HVCN1: variants seen among roughly 807,000 people sequenced by gnomAD.
HVCN1 encodes the protein voltage-gated hydrogen channel 1.
Under a neutral mutation model 29.2 loss-of-function variants are expected in HVCN1, and 14 were observed. The ratio of observed to expected loss-of-function variants is 0.48; its 90% CI spans 0.32 to 0.75. HVCN1 has a LOEUF of 0.75. Among genes scored for constraint, HVCN1 ranks in the 30% least tolerant of loss-of-function variants. The pLI is 0.04. For missense variants in HVCN1, 263 were observed against 341.8 expected (o/e 0.77, Z 1.82); for synonymous variants, 131 against 133.2 (o/e 0.98, Z 0.11).
chr12:110,651,103 C>T, intron 6 of HVCN1, 114 bp downstream of exon 6: 1 of 720,712 alleles, frequency 1.4e-6, no homozygotes, highest in Non-Finnish European at 2.4e-6. Context: ...GGGGAGGCCT[C>T]CATAACAGGA....
intron 3 of HVCN1, among the ~76,000 whole-genome samples, chr12:110,666,683 A>G (rs1010394253): frequency 6.6e-6 from 1 of 152,078 alleles, no homozygotes; most frequent in Non-Finnish European, 1.5e-5. Context: ...GCCATCACAC[A>G]GGCTGTTCCC....
intron 3 of HVCN1, among the ~76,000 whole-genome samples, chr12:110,667,498 C>A (rs959903200): frequency 6.6e-6 from 1 of 152,114 alleles, no homozygotes; most frequent in Non-Finnish European, 1.5e-5. Flanking sequence ...TGTGCGATCA[C>A]GGTTCACTGC....
Position 110,661,701 on chromosome 12 carries a change from C to T in HVCN1, c.22-253G>A, listed in dbSNP as rs1020077750. Among the ~76,000 whole-genome samples the T allele has an allele frequency of 6.6e-5, 10 of 152,210 alleles. No individual in the cohort carries two copies. Among genetic ancestry groups the T allele is most frequent in the Non-Finnish European group, 1.2e-4 (8 of 68,048 alleles). ...CTGTGGTCTGGTTGGCAGTAACCAA[C>T]GGAATCAGTACTGCAGCCCGGTCCC... is the stretch of plus-strand genomic sequence containing the variant. On this transcript the variant is annotated intron_variant, in intron 3 of 7. Transcript: ENST00000242607. This position sits in a 1 kb window ranked among gnomAD's most constrained non-coding sequence, Gnocchi z 6.2.
In HVCN1 at chr12:110,661,096, C is replaced by T. The variant is rs201190914; in HGVS notation, c.306+68G>A. 2.5e-4 allele frequency: 369 copies of T among 1,476,820 alleles called. No homozygotes were observed. Among genetic ancestry groups the T allele is most frequent in the Admixed American group, 3.9e-4 (19 of 49,124 alleles). The allele number at this position is 1,476,820 out of a possible 1,614,324, so 91.5% of individuals were successfully genotyped here. ...AGTGGCCAAATGGGCTCAGCCTGGCCGCCTGCCTCACATTCCCCGATGGCT... is the reference window on the plus strand; with the variant it reads ...AGTGGCCAAATGGGCTCAGCCTGGCTGCCTGCCTCACATTCCCCGATGGCT... On this transcript the variant is annotated intron_variant, in intron 4 of 7. Transcript: ENST00000242607. This position sits in a 1 kb window ranked among gnomAD's most constrained non-coding sequence, Gnocchi z 6.2.
In HVCN1 at chr12:110,694,914, G is replaced by A. The variant is rs1267274971; in HGVS notation, c.-103-6206C>T. On this transcript the variant is annotated intron_variant, in intron 2 of 4. Coordinates refer to the HVCN1 transcript ENST00000546713. The surrounding 1 kb of genome is among the most constrained non-coding windows in gnomAD (Gnocchi z 4.6). ...CACAGGCATTGCATCAAAGAGGCCT[G>A]GGTGTAAATCCTGCCTCAATGGTTT... Among the ~76,000 whole-genome samples, 5 of 152,220 alleles carry A rather than the reference G, an allele frequency of 3.3e-5. No homozygotes were observed. Among genetic ancestry groups the A allele is most frequent in the African/African-American group, 1.2e-4 (5 of 41,452 alleles).
rs141040398 is a variant in HVCN1, at chr12:110,674,910, G to GT, written c.21+8314dup. Among the ~76,000 whole-genome samples the GT allele has an allele frequency of 8.7e-3, 1,327 of 152,276 alleles. 29 individuals are homozygous for GT. Among genetic ancestry groups the GT allele is most frequent in the African/African-American group, 0.031 (1,269 of 41,548 alleles). On this transcript the variant is annotated intron_variant, in intron 3 of 7. Coordinates refer to ENST00000242607, the MANE Select transcript of HVCN1 (RefSeq NM_032369.4). ...TGCAGGGAGTTAAGTGGTGAATGAA[G>GT]TATTTAGTGGAGGTGGGAAGAGAAG... is the stretch of plus-strand genomic sequence containing the variant.
intron 6 of HVCN1, among the ~76,000 whole-genome samples, chr12:110,650,591 T>C (rs1421623838): frequency 6.6e-6 from 1 of 152,134 alleles, no homozygotes; most frequent in East Asian, 1.9e-4. Context: ...GCGGTGTCCA[T>C]AGATGCCACG....
intron 5 of HVCN1, among the ~76,000 whole-genome samples, chr12:110,651,850 C>T (rs1420736926): frequency 6.6e-6 from 1 of 152,152 alleles, no homozygotes; most frequent in African/African-American, 2.4e-5. Flanking sequence ...GTGACACCTC[C>T]ATATGGGGCC....
chr12:110,690,280 G>A (rs1218603875), upstream of HVCN1, among the ~76,000 whole-genome samples: 1 of 152,204 alleles, frequency 6.6e-6, no homozygotes, highest in Non-Finnish European at 1.5e-5. Context: ...GGATAATCCA[G>A]GCTAATCTCT....
At chr12:110,657,453 C>T (rs1028371287) in intron 4 of HVCN1, among the ~76,000 whole-genome samples, 1 of 151,010 alleles carries the variant, frequency 6.6e-6, no homozygotes, top group African/African-American at 2.4e-5. Flanking sequence ...CGAGATCGCA[C>T]CATTGCAGTC....
At chr12:110,688,520 C>T (rs1222338886) in intron 2 of HVCN1, 105 bp downstream of exon 2, 1 of 152,354 alleles carries the variant, frequency 6.6e-6, no homozygotes, top group African/African-American at 2.4e-5. Flanking sequence ...TTGCAGCCTT[C>T]TCCCGGGACA....
chr12:110,663,989 C>T (rs1050630111), intron 3 of HVCN1, among the ~76,000 whole-genome samples: 8 of 152,178 alleles, frequency 5.3e-5, no homozygotes, highest in South Asian at 4.1e-4. Flanking sequence ...GCGATCATAG[C>T]TCACTACAGT....
rs780645326 is a variant in HVCN1 at position 110,658,040 on chromosome 12, G to GT, written c.307-2703_307-2702insA. Among the ~76,000 whole-genome samples the GT allele has an allele frequency of 4.0e-4, 61 of 152,260 alleles. No homozygotes were observed. The highest frequency in any genetic ancestry group is 1.0e-3 in the South Asian group (5 of 4,822). Reference sequence around the variant, plus strand: ...AGCATGACGTGAGTGAAGTATGAAGGGCGCTTAGCACACGGCTGGCCTGCG... The same window carrying GT: ...AGCATGACGTGAGTGAAGTATGAAGGTGCGCTTAGCACACGGCTGGCCTGCG... On this transcript the variant is annotated intron_variant, in intron 4 of 7. Transcript: ENST00000242607. The surrounding 1 kb of genome is among the most constrained non-coding windows in gnomAD (Gnocchi z 5.0).
At chr12:110,674,986 A>AG (rs564889387) in intron 3 of HVCN1, among the ~76,000 whole-genome samples, 30 of 152,364 alleles carry the variant, frequency 2.0e-4, no homozygotes, top group Non-Finnish European at 4.3e-4. Context: ...TGAGATTAAT[A>AG]GACTAGAACA....
At chr12:110,682,869 AG>A (rs1292333826) in intron 3 of HVCN1, 1 of 286,682 alleles carries the variant, frequency 3.5e-6, no homozygotes, top group Non-Finnish European at 6.7e-6. Context: ...AGGCTGAGGC[AG>A]GAAAATCGCT....
chr12:110,661,649 A>G lies in HVCN1; in HGVS notation c.22-201T>C, dbSNP rs1197506204. 1.3e-5 allele frequency among the ~76,000 whole-genome samples: 2 copies of G among 152,174 alleles called. No homozygotes were observed. Among genetic ancestry groups the G allele is most frequent in the African/African-American group, 2.4e-5 (1 of 41,442 alleles). On this transcript the variant is annotated intron_variant, in intron 3 of 7. Coordinates refer to ENST00000242607, the MANE Select transcript of HVCN1 (RefSeq NM_032369.4). This position sits in a 1 kb window ranked among gnomAD's most constrained non-coding sequence, Gnocchi z 6.2. The stretch of plus-strand genomic sequence containing the variant: ...GTCTCAGTGTCTATGAGGCAACAGG[A>G]AACTCCTGCCCCCAGCAGGCCTGTC...
chr12:110,686,102 G>A lies in HVCN1; in HGVS notation c.-20+2523C>T, dbSNP rs184755757. Reference sequence around the variant, plus strand: ...CAACCTCTGTCTCCCAGGTTCAAGCGATTCTCCTGCTTCAGCCTCCTGAGT... The same window carrying A: ...CAACCTCTGTCTCCCAGGTTCAAGCAATTCTCCTGCTTCAGCCTCCTGAGT... On this transcript the variant is annotated intron_variant, in intron 2 of 7. Coordinates refer to ENST00000242607, the MANE Select transcript of HVCN1 (RefSeq NM_032369.4). 1.1e-4 allele frequency among the ~76,000 whole-genome samples: 17 copies of A among 152,062 alleles called. No homozygotes were observed. The East Asian group carries it at 3.1e-3, about 28-fold the overall frequency.
chr12:110,661,435 C>T lies in HVCN1; in HGVS notation c.35G>A (p.Arg12Lys), dbSNP rs775297243. The T allele has an allele frequency of 6.2e-7, 1 of 1,613,870 alleles. No homozygotes were observed. Among genetic ancestry groups the T allele is most frequent in the Non-Finnish European group, 8.5e-7 (1 of 1,179,834 alleles). Residue 12 changes from arginine to lysine, a missense_variant, in exon 4 of 8, where the codon AGG becomes AAG. This residue lies in a region of HVCN1 where 157 missense variants were observed against 181.3 expected (regional missense o/e 0.87). Transcript: ENST00000242607. The surrounding 1 kb of genome is among the most constrained non-coding windows in gnomAD (Gnocchi z 6.2). ...CCTCTCAGCGGGAGCCACCTTGGCC[C>T]TGCGGGTGACTGCCTAGAAGGCGGG... is the stretch of plus-strand genomic sequence containing the variant. ...ATWDEKAVTR[R>K]AKVAPAERMS...
chr12:110,655,310 T>C lies in HVCN1; in HGVS notation c.335A>G (p.Asp112Gly). 2 of 1,613,770 alleles carry C rather than the reference T, an allele frequency of 1.2e-6. No homozygotes were observed. Among genetic ancestry groups the C allele is most frequent in the Non-Finnish European group, 1.7e-6 (2 of 1,179,912 alleles). ...GAGCTCAGCAAGCACCAGGAGGGCA[T>C]CCAGAACCACCAAGCAGATGATGAT... ...QVIIICLVVL[D>G]ALLVLAELIL... Residue 112 changes from aspartate (D) to glycine (G), a missense_variant, in exon 5 of 8, where the codon GAT (aspartate) becomes GGT (glycine). By Grantham distance (94) the Asp-to-Gly change is moderately conservative. This residue lies in a region of HVCN1 where 157 missense variants were observed against 181.3 expected (regional missense o/e 0.87). Coordinates refer to ENST00000242607, the MANE Select transcript of HVCN1 (RefSeq NM_032369.4).
Sources: gnomAD v4.1 joint callset for allele counts (sites outside exome capture counted in the v4.1 genomes callset) on GRCh38, gnomAD v4.1.1 for gene constraint, gnomAD v4.1.1 regional missense constraint, Gnocchi (gnomAD v3.1) non-coding constraint, MANE v1.5 for transcripts, NCBI Gene and HGNC (gene_info 2026-07-23, HGNC 2026-07-21) for gene names.